Variants in PDGFRL observed in about 807,000 individuals in gnomAD.
The protein encoded by PDGFRL is platelet-derived growth factor receptor-like protein.
In PDGFRL, 46 loss-of-function variants were observed where a neutral mutation model predicts 37.2. The observed-to-expected ratio is 1.24, with a 90% CI of 0.98 to 1.58. The LOEUF (loss-of-function observed/expected upper bound fraction) is 1.58, where lower values mean the gene tolerates loss of function less well. Ranked by LOEUF, PDGFRL falls within the 40% of genes most tolerant of loss-of-function variation. The probability of loss-of-function intolerance (pLI) is 0.00; values close to 1 mark genes in which losing one functional copy is unlikely to be tolerated. For synonymous variants in PDGFRL, 251 were observed against 184.3 expected (o/e 1.36, Z -2.93); for missense variants, 692 against 467.6 (o/e 1.48, Z -4.43).
chr8:17,607,587 G>A (rs1453279418), intron 2 of PDGFRL, among the ~76,000 whole-genome samples: 3 of 152,216 alleles, frequency 2.0e-5, no homozygotes, highest in African/African-American at 7.2e-5. Flanking sequence ...AACTATGTTA[G>A]ATGATAATTT....
intron 4 of PDGFRL, among the ~76,000 whole-genome samples, chr8:17,633,287 A>C (rs1454437193): frequency 1.3e-5 from 2 of 152,192 alleles, no homozygotes; most frequent in Non-Finnish European, 2.9e-5. Context: ...GCAGTGGCTC[A>C]TACCTTAATC....
At chr8:17,621,519 AG>A (rs1804634058) in intron 3 of PDGFRL, among the ~76,000 whole-genome samples, 1 of 152,094 alleles carries the variant, frequency 6.6e-6, no homozygotes, top group African/African-American at 2.4e-5. Context: ...ATTTGGTTCC[AG>A]GGTCTGTCCC....
intron 1 of PDGFRL, among the ~76,000 whole-genome samples, chr8:17,580,024 C>A (rs1020095398): frequency 6.6e-6 from 1 of 152,106 alleles, no homozygotes; most frequent in African/African-American, 2.4e-5. Context: ...TATTTCCTGA[C>A]TTTTGATTAC....
chr8:17,635,296 C>A (rs1227459060), intron 5 of PDGFRL, among the ~76,000 whole-genome samples: 1 of 152,062 alleles, frequency 6.6e-6, no homozygotes, highest in African/African-American at 2.4e-5. Context: ...TCCCCCCAAC[C>A]CTTTCCCCTG....
chr8:17,641,821 G>A (rs1340781713), intron 5 of PDGFRL, among the ~76,000 whole-genome samples: 2 of 148,620 alleles, frequency 1.3e-5, no homozygotes, highest in African/African-American at 2.5e-5. Context: ...GTGTTTTCCG[G>A]CATCCTGGTA....
At chr8:17,616,147 A>G (rs1379714431) in intron 2 of PDGFRL, among the ~76,000 whole-genome samples, 1 of 151,620 alleles carries the variant, frequency 6.6e-6, no homozygotes, top group African/African-American at 2.4e-5. Context: ...TCCAAAGTCC[A>G]TGATTTTATT....
rs532266766 is a variant in PDGFRL at position 17,578,381 on chromosome 8, T to G, written c.55+1074T>G. ...GCCAAAAAAATACCGCATTGTAGTTTGCAAAATCCAAGATAGTCGTGGTAC... is the reference window on the plus strand; with the variant it reads ...GCCAAAAAAATACCGCATTGTAGTTGGCAAAATCCAAGATAGTCGTGGTAC... On this transcript the variant is annotated intron_variant, in intron 1 of 5. Transcript: ENST00000251630. Among the ~76,000 whole-genome samples, 37 of 152,348 alleles carry G rather than the reference T, an allele frequency of 2.4e-4. 1 individual carries two copies. The highest frequency in any genetic ancestry group is 8.4e-4 in the African/African-American group (35 of 41,580).
At chr8:17,598,919 C>G (rs563423165) in intron 2 of PDGFRL, among the ~76,000 whole-genome samples, 5 of 152,288 alleles carry the variant, frequency 3.3e-5, no homozygotes, top group South Asian at 4.1e-4. Context: ...TGCTCTTCCA[C>G]CAGGATTGTG....
chr8:17,588,563 C>G (rs2705023), intron 1 of PDGFRL, among the ~76,000 whole-genome samples: 83,096 of 151,948 alleles, frequency 0.55, 25,358 homozygotes, highest in East Asian at 0.77. Flanking sequence ...GGCCTAGCTA[C>G]TCAGGAGGCT....
chr8:17,579,533 TTTATTATTATTTTATTATTATTG>T (rs1563500871), intron 1 of PDGFRL, among the ~76,000 whole-genome samples: 13 of 138,098 alleles, frequency 9.4e-5, no homozygotes, highest in African/African-American at 2.7e-4. Context: ...AAAGACAGTC[TTTATTATTATTTTATTATTATTG>T]TTATTATTAT....
In PDGFRL at chr8:17,634,930, A is replaced by G. The variant is rs73571137; in HGVS notation, c.939+717A>G. On this transcript the variant is annotated intron_variant, in intron 5 of 5. Transcript: ENST00000251630. ...GTCATTTCATGACACGAGTTTACCT[A>G]TATAACAGACTTGCACATATACCCC... Among the ~76,000 whole-genome samples the G allele has an allele frequency of 3.3e-3, 500 of 152,116 alleles. 3 individuals are homozygous for G. Among genetic ancestry groups the G allele is most frequent in the African/African-American group, 0.012 (483 of 41,466 alleles).
At chr8:17,641,828 G>A (rs1805101994) in intron 5 of PDGFRL, among the ~76,000 whole-genome samples, 1 of 148,066 alleles carries the variant, frequency 6.8e-6, no homozygotes, top group Admixed American at 6.9e-5. Flanking sequence ...CCGGCATCCT[G>A]GTACCAGGCA....
At chr8:17,577,358 G>T in intron 1 of PDGFRL, 51 bp downstream of exon 1, 1 of 1,485,084 alleles carries the variant, frequency 6.7e-7, no homozygotes, top group South Asian at 1.2e-5. Flanking sequence ...GACTTTAGCC[G>T]GGACCCGAAG....
At chr8:17,630,463 A>G (rs750343403) in intron 4 of PDGFRL, among the ~76,000 whole-genome samples, 4 of 152,174 alleles carry the variant, frequency 2.6e-5, no homozygotes, top group Non-Finnish European at 5.9e-5. Context: ...TTTGATATCC[A>G]ACAGGCTTGC....
intron 1 of PDGFRL, among the ~76,000 whole-genome samples, chr8:17,579,951 C>T (rs996509040): frequency 7.2e-5 from 11 of 152,112 alleles, no homozygotes; most frequent in Non-Finnish European, 1.5e-4. Context: ...ATATGGAATA[C>T]ATGCCACCGA....
At chr8:17,600,636 A>T (rs1264623272) in intron 2 of PDGFRL, among the ~76,000 whole-genome samples, 3 of 90,166 alleles carry the variant, frequency 3.3e-5, no homozygotes, top group Non-Finnish European at 7.0e-5. Flanking sequence ...CCCCATCTCT[A>T]AAAAAAAAAT....
At chr8:17,627,152 TG>T (rs1404090132) in intron 3 of PDGFRL, among the ~76,000 whole-genome samples, 1 of 152,200 alleles carries the variant, frequency 6.6e-6, no homozygotes. Flanking sequence ...ACTGTGGCTG[TG>T]GGGCTGATTT....
chr8:17,628,674 T>C lies in PDGFRL; in HGVS notation c.693T>C (p.Phe231=), dbSNP rs970375538. 2 of 1,613,924 alleles carry C rather than the reference T, an allele frequency of 1.2e-6. No homozygotes were observed. The highest frequency in any genetic ancestry group is 1.6e-4 in the Middle Eastern group (1 of 6,062). Residue 231 remains phenylalanine (F), a synonymous_variant, in exon 4 of 6, where the codon TTT becomes TTC. Transcript: ENST00000251630. ...TTGTTTATGACATGAAGCGGGGCTT[T>C]GTGTATCTGCAACCTCATTCCGAGC... is the stretch of plus-strand genomic sequence containing the variant. ...TDIVYDMKRG[F]VYLQPHSEHQ...
intron 2 of PDGFRL, among the ~76,000 whole-genome samples, chr8:17,609,938 T>C (rs1284959440): frequency 2.0e-5 from 3 of 152,186 alleles, no homozygotes; most frequent in Non-Finnish European, 2.9e-5. Context: ...CAAAGTGGCA[T>C]TGTTATGAGC....
Sources: allele counts gnomAD v4.1 joint callset (sites outside exome capture counted in the v4.1 genomes callset), GRCh38; gene constraint gnomAD v4.1.1; transcripts MANE v1.5; gene names NCBI Gene and HGNC (gene_info 2026-07-23, HGNC 2026-07-21).